RGS10: variants seen among roughly 807,000 people sequenced by gnomAD.
RGS10 encodes the protein regulator of G-protein signalling 10.
Under a neutral mutation model 23.5 loss-of-function variants are expected in RGS10, and 11 were observed. The ratio of observed to expected loss-of-function variants is 0.47; its 90% CI spans 0.29 to 0.77. The LOEUF (loss-of-function observed/expected upper bound fraction) is 0.77. Among genes scored for constraint, RGS10 ranks in the 30% least tolerant of loss-of-function variants. RGS10 has a pLI of 0.08. For missense variants in RGS10, 180 were observed against 226.3 expected, an observed-to-expected ratio of 0.80 and a Z score of 1.31; for synonymous variants, 77 against 83.2, an observed-to-expected ratio of 0.92 and a Z score of 0.41.
At chr10:119,532,902 T>C (rs1040766538) in intron 1 of RGS10, among the ~76,000 whole-genome samples, 3 of 151,018 alleles carry the variant, frequency 2.0e-5, no homozygotes, top group Admixed American at 6.6e-5. Flanking sequence ...TAGCTGGTCA[T>C]GGTGGTATGG....
At chr10:119,535,117 C>T (rs1040560158) in intron 1 of RGS10, among the ~76,000 whole-genome samples, 1 of 152,154 alleles carries the variant, frequency 6.6e-6, no homozygotes, top group Non-Finnish European at 1.5e-5. Context: ...CTCCAGAGTA[C>T]ACGCTCTTTA....
intron 1 of RGS10, among the ~76,000 whole-genome samples, chr10:119,541,532 A>G (rs1589845173): frequency 6.6e-6 from 1 of 152,208 alleles, no homozygotes; most frequent in East Asian, 1.9e-4. Flanking sequence ...AATATGGCGA[A>G]GGTGAGATTC....
chr10:119,537,143 A>G (rs1844395414), intron 1 of RGS10, among the ~76,000 whole-genome samples: 1 of 152,220 alleles, frequency 6.6e-6, no homozygotes, highest in African/African-American at 2.4e-5. Context: ...CTGTAATCCC[A>G]GCACTTTGGG....
At chr10:119,508,241 C>T (rs1844037683) in intron 4 of RGS10, among the ~76,000 whole-genome samples, 1 of 152,190 alleles carries the variant, frequency 6.6e-6, no homozygotes, top group South Asian at 2.1e-4. Flanking sequence ...CTCAGCTAAT[C>T]CACCCGCCTC....
intron 1 of RGS10, among the ~76,000 whole-genome samples, chr10:119,532,345 G>C (rs1201002269): frequency 6.6e-6 from 1 of 152,120 alleles, no homozygotes; most frequent in Non-Finnish European, 1.5e-5. Flanking sequence ...ATAGCCCTTA[G>C]GCTGAGGGCA....
chr10:119,529,815 C>T (rs1844314709), intron 1 of RGS10, among the ~76,000 whole-genome samples: 1 of 152,106 alleles, frequency 6.6e-6, no homozygotes, highest in South Asian at 2.1e-4. Context: ...TCAGCAAGGC[C>T]GGGCGAGGTG....
chr10:119,503,286 G>A (rs1482351573), intron 4 of RGS10, among the ~76,000 whole-genome samples: 1 of 151,050 alleles, frequency 6.6e-6, no homozygotes, highest in Non-Finnish European at 1.5e-5. Context: ...GCTGCAGTGA[G>A]CTAAGATCAC....
At chr10:119,515,766 C>G in intron 3 of RGS10, 114 bp from the exon 4 acceptor site, 1 of 1,277,516 alleles carries the variant, frequency 7.8e-7, no homozygotes, top group Non-Finnish European at 1.1e-6. Flanking sequence ...AGAAAGGCAC[C>G]CCCCACAGCC....
At position 119,500,182 on chromosome 10, in the gene RGS10, C is replaced by G; in HGVS notation, c.477G>C (p.Glu159Asp). Residue 159 changes from glutamate (E) to aspartate (D), a missense_variant, in exon 5 of 5, where the codon GAG becomes GAC. Transcript: ENST00000369103. ...CATCAGGCAAATCTTCTTCCTCTTCCTCGGTTCGCTTGTGTTTTAAAAACA... is the reference window on the plus strand; with the variant it reads ...CATCAGGCAAATCTTCTTCCTCTTCGTCGGTTCGCTTGTGTTTTAAAAACA... ...SDLFLKHKRT[E>D]EEEEDLPDAQ... The G allele has an allele frequency of 6.2e-7, 1 of 1,614,028 alleles. No homozygotes were observed. Among genetic ancestry groups the G allele is most frequent in the Non-Finnish European group, 8.5e-7 (1 of 1,179,976 alleles).
At chr10:119,521,796 G>A (rs1844221816) in intron 3 of RGS10, among the ~76,000 whole-genome samples, 1 of 151,518 alleles carries the variant, frequency 6.6e-6, no homozygotes, top group South Asian at 2.1e-4. Context: ...AAGGAATAAT[G>A]TCTTCAAACT....
At position 119,527,939 on chromosome 10, in the gene RGS10, T is replaced by C. The variant is rs2133957169; in HGVS notation, c.50-515A>G. On this transcript the variant is annotated intron_variant, in intron 1 of 4. Transcript: ENST00000369103. The surrounding 1 kb of genome is among the most constrained non-coding windows in gnomAD (Gnocchi z 4.2). ...CTGGCACAGAGATTAAAAAACTCAT[T>C]GCAGGACGGGACCCACGTGATGGCG... is the stretch of plus-strand genomic sequence containing the variant. Among the ~76,000 whole-genome samples, 1 of 152,256 alleles carries C rather than the reference T, an allele frequency of 6.6e-6. No homozygotes were observed. The highest frequency in any genetic ancestry group is 2.4e-5 in the African/African-American group (1 of 41,564).
chr10:119,501,286 G>A lies in RGS10; in HGVS notation c.400-1027C>T, dbSNP rs536174849. On this transcript the variant is annotated intron_variant, in intron 4 of 4. Coordinates refer to ENST00000369103, the MANE Select transcript of RGS10 (RefSeq NM_001005339.2). ...ACTAAAAATCCACATGGTTCACCCTGGTACACGGAACAACCAAGTGGAAAG... is the reference window on the plus strand; with the variant it reads ...ACTAAAAATCCACATGGTTCACCCTAGTACACGGAACAACCAAGTGGAAAG... Among the ~76,000 whole-genome samples, 7 of 152,242 alleles carry A rather than the reference G, an allele frequency of 4.6e-5. No individual in the cohort carries two copies. The South Asian group carries it at 1.2e-3, about 27-fold the overall frequency.
At chr10:119,512,427 G>C (rs1001523760) in intron 4 of RGS10, among the ~76,000 whole-genome samples, 1 of 152,146 alleles carries the variant, frequency 6.6e-6, no homozygotes, top group South Asian at 2.1e-4. Flanking sequence ...AAAGCAAAAC[G>C]GAACACAGGG....
intron 3 of RGS10, among the ~76,000 whole-genome samples, chr10:119,525,697 T>C (rs899196782): frequency 6.6e-6 from 1 of 152,228 alleles, no homozygotes; most frequent in Admixed American, 6.5e-5. Context: ...CGTATCGTTT[T>C]ACCACGTCCA....
chr10:119,536,792 T>G (rs1323100902), intron 1 of RGS10, among the ~76,000 whole-genome samples: 1 of 152,132 alleles, frequency 6.6e-6, no homozygotes, highest in Non-Finnish European at 1.5e-5. Context: ...ATCGATTTTC[T>G]CCACTTCCAG....
At chr10:119,528,251 G>A (rs984984586) in intron 1 of RGS10, among the ~76,000 whole-genome samples, 18 of 151,976 alleles carry the variant, frequency 1.2e-4, no homozygotes, top group African/African-American at 4.4e-4. Flanking sequence ...GGCTGGTCTC[G>A]AACTCTTGAC....
In RGS10 at chr10:119,519,602, C is replaced by T. The variant is rs1485451523; in HGVS notation, c.256-3950G>A. Among the ~76,000 whole-genome samples, 5 of 111,996 alleles carry T rather than the reference C, an allele frequency of 4.5e-5. 1 individual carries two copies. The highest frequency in any genetic ancestry group is 1.8e-4 in the African/African-American group (5 of 27,796). 73.5% of individuals were successfully genotyped at this position (111,996 alleles called of 152,430 possible). On this transcript the variant is annotated intron_variant, in intron 3 of 4. Coordinates refer to ENST00000369103, the MANE Select transcript of RGS10 (RefSeq NM_001005339.2). ...CAGCTTCTGTCTCCCTATCTGTCCCCCAGCTCCTGTCTCCCTGTATCTGTC... is the reference window on the plus strand; with the variant it reads ...CAGCTTCTGTCTCCCTATCTGTCCCTCAGCTCCTGTCTCCCTGTATCTGTC...
Position 119,542,591 on chromosome 10 carries a change from T to C in RGS10, c.48A>G (p.Ser16=), listed in dbSNP as rs1262909928. ...VSRLSRKRPP[S]DIHDSDGSSS... ...CCGCGGGCCCCCGAAGCCGCTTACC[T>C]GACGGCGGCCGCTTCCTGCTCAGCC... The change falls in exon 1 of 5, where the codon TCA becomes TCG. Residue 16 remains serine, a splice_region_variant and synonymous_variant. Coordinates refer to ENST00000369103, the MANE Select transcript of RGS10 (RefSeq NM_001005339.2). The C allele has an allele frequency of 2.1e-6, 3 of 1,423,030 alleles. No individual in the cohort carries two copies. The Admixed American group carries it at 7.8e-5, about 37-fold the overall frequency. 88.2% of individuals were successfully genotyped at this position (1,423,030 alleles called of 1,614,324 possible). A position where few individuals can be genotyped will look rare whatever the true frequency, so the allele number is the denominator to read the frequency against.
At chr10:119,511,062 A>C (rs1273009925) in intron 4 of RGS10, among the ~76,000 whole-genome samples, 1 of 152,130 alleles carries the variant, frequency 6.6e-6, no homozygotes, top group African/African-American at 2.4e-5. Flanking sequence ...AAGGAACTGC[A>C]ATTCCCTGAA....
Sources: gnomAD v4.1 joint callset for allele counts (sites outside exome capture counted in the v4.1 genomes callset) on GRCh38, gnomAD v4.1.1 for gene constraint, Gnocchi (gnomAD v3.1) non-coding constraint, MANE v1.5 for transcripts, NCBI Gene and HGNC (gene_info 2026-07-23, HGNC 2026-07-21) for gene names.